The following ANKRD13C variants were observed in gnomAD, a reference collection of about 807,000 sequenced individuals.
The protein encoded by ANKRD13C is ankyrin repeat domain 13C, also known as ankyrin repeat domain-containing protein 13C.
ANKRD13C carries 16 observed loss-of-function variants against 65.5 expected under a neutral mutation model. The ratio of observed to expected loss-of-function variants is 0.24; its 90% confidence interval spans 0.17 to 0.37. ANKRD13C has a LOEUF of 0.37. ANKRD13C is among the 10% of genes least tolerant of loss of function. ANKRD13C has a pLI of 1.00. For synonymous variants in ANKRD13C, 235 were observed against 238.7 expected, an observed-to-expected ratio of 0.98 and a Z score of 0.14; for missense variants, 503 against 655.9, an observed-to-expected ratio of 0.77 and a Z score of 2.55.
At chr1:70,303,107 C>G (rs1680447748) in intron 6 of ANKRD13C, among the ~76,000 whole-genome samples, 1 of 152,124 alleles carries the variant, frequency 6.6e-6, no homozygotes, top group Non-Finnish European at 1.5e-5. Flanking sequence ...ATAGAAACTT[C>G]CCAGTTATAT....
chr1:70,329,233 A>C (rs1254993923), intron 2 of ANKRD13C, among the ~76,000 whole-genome samples: 4 of 152,218 alleles, frequency 2.6e-5, no homozygotes, highest in Non-Finnish European at 5.9e-5. Context: ...CAAAAAAATC[A>C]TTAAAGAAAA....
intron 9 of ANKRD13C, among the ~76,000 whole-genome samples, chr1:70,279,046 C>CA (rs77149756): frequency 0.026 from 3,667 of 142,186 alleles, 119 homozygotes; most frequent in African/African-American, 0.076. Flanking sequence ...ACAAAAAATA[C>CA]AAAAAAAAAA....
intron 2 of ANKRD13C, among the ~76,000 whole-genome samples, chr1:70,325,825 G>A (rs915934921): frequency 2.0e-5 from 3 of 152,072 alleles, no homozygotes; most frequent in East Asian, 1.9e-4. Context: ...GCTGCAGTGA[G>A]CCAAGATTGC....
intron 1 of ANKRD13C, among the ~76,000 whole-genome samples, chr1:70,341,338 G>A (rs955664835): frequency 6.7e-6 from 1 of 149,462 alleles, no homozygotes; most frequent in Non-Finnish European, 1.5e-5. Context: ...ATATATCAGG[G>A]TCCAAATCTA....
intron 9 of ANKRD13C, among the ~76,000 whole-genome samples, chr1:70,281,069 G>A (rs559853423): frequency 6.6e-6 from 1 of 152,122 alleles, no homozygotes; most frequent in African/African-American, 2.4e-5. Context: ...GAGAAAAGAG[G>A]AAGGAGGGAA....
intron 3 of ANKRD13C, among the ~76,000 whole-genome samples, chr1:70,324,491 C>G (rs766621102): frequency 6.6e-6 from 1 of 152,132 alleles, no homozygotes; most frequent in Non-Finnish European, 1.5e-5. Context: ...TATTGTAACA[C>G]TATGGTTATT....
In ANKRD13C at chr1:70,300,716, CT is replaced by C. The variant is rs34074291; in HGVS notation, c.921+47del. ...ACTGAGGTTTTGCTAAAAACCTATA[CT>C]TTTTTTTTAATGATTTAAAGGAATA... On this transcript the variant is annotated intron_variant, in intron 7 of 12. Transcript: ENST00000370944. 3.0e-3 allele frequency: 4,337 copies of C among 1,432,170 alleles called. 106 individuals are homozygous for C. In the African/African-American group the frequency reaches 0.054, roughly 18 times the overall value. The allele number at this position is 1,432,170 out of a possible 1,614,324, so 88.7% of individuals were successfully genotyped here.
At chr1:70,311,794 A>T (rs1680861239) in intron 5 of ANKRD13C, among the ~76,000 whole-genome samples, 2 of 152,220 alleles carry the variant, frequency 1.3e-5, no homozygotes, top group Admixed American at 6.5e-5. Flanking sequence ...GTATTAGTCA[A>T]AGCTAACTAA....
At chr1:70,311,168 T>A (rs139692213) in intron 5 of ANKRD13C, among the ~76,000 whole-genome samples, 2,683 of 152,258 alleles carry the variant, frequency 0.018, 37 homozygotes, top group Middle Eastern at 0.034. Context: ...TATTTCCACC[T>A]GAAATATGGT....
At chr1:70,335,949 A>T (rs926630564) in intron 2 of ANKRD13C, 109 bp downstream of exon 2, 1 of 330,210 alleles carries the variant, frequency 3.0e-6, no homozygotes, top group African/African-American at 2.2e-5. Context: ...AGTTCAATTA[A>T]CAGATAAAAT....
chr1:70,298,781 T>C (rs1345534949), intron 7 of ANKRD13C, among the ~76,000 whole-genome samples: 1 of 152,228 alleles, frequency 6.6e-6, no homozygotes, highest in Non-Finnish European at 1.5e-5. Context: ...AATAAAATGA[T>C]AATGGAATAT....
At chr1:70,285,187 C>CTTTT (rs60703728) in intron 9 of ANKRD13C, among the ~76,000 whole-genome samples, 43 of 105,234 alleles carry the variant, frequency 4.1e-4, no homozygotes, top group African/African-American at 7.1e-4. Context: ...TTTATAATGT[C>CTTTT]TTTTTTTTTT....
intron 2 of ANKRD13C, among the ~76,000 whole-genome samples, chr1:70,329,706 C>T (rs1328014270): frequency 6.6e-6 from 1 of 152,008 alleles, no homozygotes; most frequent in East Asian, 1.9e-4. Flanking sequence ...GCACTAGTCA[C>T]AACTCAACTG....
At chr1:70,295,615 T>C (rs1360691251) in intron 8 of ANKRD13C, among the ~76,000 whole-genome samples, 4 of 152,150 alleles carry the variant, frequency 2.6e-5, no homozygotes, top group Non-Finnish European at 5.9e-5. Context: ...ATGGGAATTA[T>C]GGAAATAATT....
chr1:70,265,098 G>A (rs1157003622), intron 12 of ANKRD13C, among the ~76,000 whole-genome samples: 3 of 152,162 alleles, frequency 2.0e-5, no homozygotes, highest in Non-Finnish European at 4.4e-5. Context: ...AGATCAGGTG[G>A]AGTTTAGGCC....
rs1445166183 is a variant in ANKRD13C at position 70,320,773 on chromosome 1, C to A, written c.577+4080G>T. ...CAGGAGAGTTGTGATAAATAAAAGT[C>A]CTACTATAATACTTTACTTTTTTCT... On this transcript the variant is annotated intron_variant, in intron 3 of 12. Coordinates refer to ENST00000370944, the MANE Select transcript of ANKRD13C (RefSeq NM_030816.5). Among the ~76,000 whole-genome samples, 64 of 151,926 alleles carry A rather than the reference C, an allele frequency of 4.2e-4. 1 individual carries two copies. In the East Asian group the frequency reaches 0.011, roughly 27 times the overall value.
At chr1:70,272,587 CTT>C (rs199841601) in intron 11 of ANKRD13C, among the ~76,000 whole-genome samples, 1 of 147,078 alleles carries the variant, frequency 6.8e-6, no homozygotes. Context: ...CTAAGATATT[CTT>C]TTTTTTTTTC....
intron 8 of ANKRD13C, 85 bp from the exon 9 acceptor site, chr1:70,292,634 A>C: frequency 1.0e-6 from 1 of 966,922 alleles, no homozygotes; most frequent in Non-Finnish European, 1.5e-6. Flanking sequence ...AATATGTAAC[A>C]TGTAGGTGAA....
rs761056073 is a variant in ANKRD13C at position 70,315,576 on chromosome 1, A to G, written c.578-10T>C. Reference sequence around the variant, plus strand: ...CTCAAAAGAGCTGTAACTAAAGTTTAAATTTTAAAAATAACTAATTTAAAT... The same window carrying G: ...CTCAAAAGAGCTGTAACTAAAGTTTGAATTTTAAAAATAACTAATTTAAAT... On this transcript the variant is annotated splice_polypyrimidine_tract_variant and intron_variant, in intron 3 of 12. Transcript: ENST00000370944. 2.5e-6 allele frequency: 4 copies of G among 1,590,892 alleles called. No individual in the cohort carries two copies. The highest frequency in any genetic ancestry group is 3.4e-6 in the Non-Finnish European group (4 of 1,168,854).
Sources: allele counts gnomAD v4.1 joint callset (sites outside exome capture counted in the v4.1 genomes callset), GRCh38; gene constraint gnomAD v4.1.1; transcripts MANE v1.5; gene names NCBI Gene and HGNC (gene_info 2026-07-23, HGNC 2026-07-21).